The following HMGCL variants were observed in gnomAD, a reference collection of about 807,000 sequenced individuals.
HMGCL encodes the protein hydroxymethylglutaryl-CoA lyase, mitochondrial.
In HMGCL, 26 loss-of-function variants were observed where a neutral mutation model predicts 37.3. That is an observed-to-expected ratio of 0.70 (90% CI 0.51 to 0.97). The LOEUF is 0.97. Among genes scored for constraint, HMGCL ranks in the 50% least tolerant of loss-of-function variants. The pLI is 0.00. For missense variants in HMGCL, 379 were observed against 398.1 expected (o/e 0.95, Z 0.41); for synonymous variants, 151 against 148.0 (o/e 1.02, Z -0.15).
At chr1:23,815,099 C>T (rs370839416) in intron 4 of HMGCL, among the ~76,000 whole-genome samples, 1 of 151,764 alleles carries the variant, frequency 6.6e-6, no homozygotes, top group Non-Finnish European at 1.5e-5. Flanking sequence ...CCCAGCTACT[C>T]GGGAGGCTGA....
At chr1:23,815,134 G>A (rs1375576143) in intron 4 of HMGCL, among the ~76,000 whole-genome samples, 3 of 152,018 alleles carry the variant, frequency 2.0e-5, no homozygotes, top group African/African-American at 7.3e-5. Context: ...TTGAACCTGG[G>A]AGGTGGAGCT....
At chr1:23,805,209 C>A (rs947786399) in intron 7 of HMGCL, among the ~76,000 whole-genome samples, 2 of 152,142 alleles carry the variant, frequency 1.3e-5, no homozygotes, top group Admixed American at 6.5e-5. Context: ...AACCCCTCCA[C>A]CTTGGCGTGA....
chr1:23,804,481 G>A lies in HMGCL; in HGVS notation c.795C>T (p.Gly265=), dbSNP rs1488079271. The change falls in exon 8 of 9, where the codon GGC becomes GGT. Residue 265 remains glycine (G), a synonymous_variant. Coordinates refer to ENST00000374490, the MANE Select transcript of HMGCL (RefSeq NM_000191.3). ...CTGATGCCCCCTGTGCGTAGGGACA[G>A]CCTCCAAGTCCTGCCACAGAAGAGT... ...VVDSSVAGLG[G]CPYAQGASGN... is the part of the protein sequence containing the mutation. The A allele has an allele frequency of 3.7e-6, 6 of 1,613,936 alleles. No individual in the cohort carries two copies. The highest frequency in any genetic ancestry group is 5.1e-6 in the Non-Finnish European group (6 of 1,179,848).
intron 4 of HMGCL, among the ~76,000 whole-genome samples, chr1:23,814,717 T>C (rs572255864): frequency 1.2e-4 from 18 of 152,288 alleles, no homozygotes; most frequent in African/African-American, 4.3e-4. Flanking sequence ...AAAAAATTTC[T>C]CTTAAGGTAA....
chr1:23,801,987 G>A lies in HMGCL; in HGVS notation c.*476C>T. 1 of 429,076 alleles carries A rather than the reference G, an allele frequency of 2.3e-6. No individual in the cohort carries two copies. The highest frequency in any genetic ancestry group is 4.1e-6 in the Non-Finnish European group (1 of 242,538). The allele number at this position is 429,076 out of a possible 1,614,324, so 26.6% of individuals were successfully genotyped here. A position where few individuals can be genotyped will look rare whatever the true frequency, so the allele number is the denominator to read the frequency against. The stretch of plus-strand genomic sequence containing the variant: ...GCTGGAGTTGGCAGACGGCCACCAC[G>A]TAGCTCTCCACTTTCCACAAATGGC... On this transcript the variant is annotated 3_prime_UTR_variant, in exon 9 of 9. Transcript: ENST00000374490.
chr1:23,822,402 A>G (rs1342267096), intron 1 of HMGCL, among the ~76,000 whole-genome samples: 1 of 152,200 alleles, frequency 6.6e-6, no homozygotes, highest in East Asian at 1.9e-4. Context: ...AAGTAACACA[A>G]TACTTTTTTT....
At chr1:23,811,255 G>T (rs922203764) in intron 5 of HMGCL, among the ~76,000 whole-genome samples, 2 of 152,176 alleles carry the variant, frequency 1.3e-5, no homozygotes, top group African/African-American at 4.8e-5. Context: ...TGAGGACCAA[G>T]GGATGAGCTG....
rs886046310 is a variant in HMGCL, at chr1:23,802,049, C to T, written c.*414G>A. On this transcript the variant is annotated 3_prime_UTR_variant, in exon 9 of 9. Coordinates refer to ENST00000374490, the MANE Select transcript of HMGCL (RefSeq NM_000191.3). ...TGGGAAGAACCTCCATGACCTGTGT[C>T]CTGAGAAGTCAGAGAGCAAGGGCCC... The T allele has an allele frequency of 5.3e-5, 25 of 474,098 alleles. No homozygotes were observed. Among genetic ancestry groups the T allele is most frequent in the Non-Finnish European group, 8.9e-5 (24 of 269,656 alleles). The allele number at this position is 474,098 out of a possible 1,614,324, so 29.4% of individuals were successfully genotyped here. A position where few individuals can be genotyped will look rare whatever the true frequency, so the allele number is the denominator to read the frequency against.
chr1:23,814,804 C>T (rs1457991653), intron 4 of HMGCL, among the ~76,000 whole-genome samples: 1 of 152,124 alleles, frequency 6.6e-6, no homozygotes, highest in Non-Finnish European at 1.5e-5. Flanking sequence ...AACCCAGCAC[C>T]TCAGAATGTG....
Position 23,802,358 on chromosome 1 carries a change from A to T in HMGCL, c.*105T>A. 1.2e-6 allele frequency: 1 copy of T among 815,608 alleles called. No homozygotes were observed. 50.5% of individuals were successfully genotyped at this position (815,608 alleles called of 1,614,324 possible). A position where few individuals can be genotyped will look rare whatever the true frequency, so the allele number is the denominator to read the frequency against. On this transcript the variant is annotated 3_prime_UTR_variant, in exon 9 of 9. Transcript: ENST00000374490. Reference sequence around the variant, plus strand: ...CTCTGTGTAGAGCTGGCTATGAGGTACCTGCACCATTTAACCTATTCTCAT... The same window carrying T: ...CTCTGTGTAGAGCTGGCTATGAGGTTCCTGCACCATTTAACCTATTCTCAT...
At chr1:23,804,843 CA>C in intron 7 of HMGCL, among the ~76,000 whole-genome samples, 2 of 151,008 alleles carry the variant, frequency 1.3e-5, no homozygotes, top group African/African-American at 4.9e-5. Flanking sequence ...GCTGAGATTT[CA>C]GACCCCTGTT....
chr1:23,816,655 CCAA>C lies in HMGCL; in HGVS notation c.348+17_348+19del. 6.8e-7 allele frequency: 1 copy of C among 1,471,034 alleles called. No homozygotes were observed. The highest frequency in any genetic ancestry group is 9.5e-7 in the Non-Finnish European group (1 of 1,049,452). The allele number at this position is 1,471,034 out of a possible 1,614,324, so 91.1% of individuals were successfully genotyped here. A position where few individuals can be genotyped will look rare whatever the true frequency, so the allele number is the denominator to read the frequency against. On this transcript the variant is annotated intron_variant, in intron 4 of 8. Coordinates refer to ENST00000374490, the MANE Select transcript of HMGCL (RefSeq NM_000191.3). The stretch of plus-strand genomic sequence containing the variant: ...ATCAATCTCATTTCAGGAGCCCCCA[CCAA>C]CAAGCTATCCTCTTACCGCTGCCTC...
At chr1:23,808,513 C>T (rs1005604834) in intron 6 of HMGCL, among the ~76,000 whole-genome samples, 190 bp from the exon 7 acceptor site, 5 of 152,158 alleles carry the variant, frequency 3.3e-5, no homozygotes, top group African/African-American at 4.8e-5. Context: ...GAGACTGAGG[C>T]GTAAGGGGCA....
rs376260710 is a variant in HMGCL, at chr1:23,810,536, G to A, written c.561+200C>T. 3.1e-4 allele frequency: 184 copies of A among 594,260 alleles called. 1 individual carries two copies. The highest frequency in any genetic ancestry group is 3.0e-3 in the African/African-American group (163 of 53,924). The allele number at this position is 594,260 out of a possible 1,614,324, so 36.8% of individuals were successfully genotyped here. On this transcript the variant is annotated intron_variant, in intron 6 of 8. Transcript: ENST00000374490. ...GCTGGATAGAGGCCAGGGGCTTCAA[G>A]GACTACATGTTCGGCTAGGAGGGGG... is the stretch of plus-strand genomic sequence containing the variant.
intron 3 of HMGCL, 42 bp downstream of exon 3, chr1:23,817,434 T>G (rs1197840198): frequency 8.4e-7 from 1 of 1,193,914 alleles, no homozygotes; most frequent in African/African-American, 1.5e-5. Context: ...GCAAAACTTT[T>G]CATCCCTAGA....
At position 23,825,369 on chromosome 1, in the gene HMGCL, G is replaced by A; in HGVS notation, c.47C>T (p.Ala16Val). Residue 16 changes from alanine to valine, a missense_variant, in exon 1 of 9, where the codon GCG (alanine) becomes GTG (valine). Ala to Val is a moderately conservative substitution (Grantham distance 64). Transcript: ENST00000374490. The stretch of plus-strand genomic sequence containing the variant: ...CGGGGCACTTACAGCCCGGAGGGAC[G>A]CCAAGCCCACCAGTCGCCGCGGAAG... ...KALPRRLVGL[A>V]SLRAVSTSSM... 5.8e-6 allele frequency: 9 copies of A among 1,559,988 alleles called. No individual in the cohort carries two copies. The highest frequency in any genetic ancestry group is 7.8e-6 in the Non-Finnish European group (9 of 1,152,774).
At position 23,804,419 on chromosome 1, in the gene HMGCL, T is replaced by C. The variant is rs781702215; in HGVS notation, c.857A>G (p.Glu286Gly). 1 of 1,614,222 alleles carries C rather than the reference T, an allele frequency of 6.2e-7. No homozygotes were observed. Among genetic ancestry groups the C allele is most frequent in the East Asian group, 2.2e-5 (1 of 44,888 alleles). Reference protein sequence around the residue: ...LATEDLVYMLEGLGIHTGVNL... With the variant: ...LATEDLVYMLGGLGIHTGVNL... ...GCTTACCGTGTGAATGCCCAAGCCCTCTAGCATGTAGACCAGGTCTTCTGT... is the reference window on the plus strand; with the variant it reads ...GCTTACCGTGTGAATGCCCAAGCCCCCTAGCATGTAGACCAGGTCTTCTGT... The change falls in exon 8 of 9, where the codon GAG (glutamate) becomes GGG (glycine). Residue 286 changes from glutamate to glycine, a missense_variant. Coordinates refer to ENST00000374490, the MANE Select transcript of HMGCL (RefSeq NM_000191.3).
rs142723451 is a variant in HMGCL at position 23,818,348 on chromosome 1, C to T, written c.145-765G>A. On this transcript the variant is annotated intron_variant, in intron 2 of 8. Transcript: ENST00000374490. ...GTGGCACGTGTCTGTGATCCAGCTACTCAGGAGGCTGAGGTGGATCACTGG... is the reference window on the plus strand; with the variant it reads ...GTGGCACGTGTCTGTGATCCAGCTATTCAGGAGGCTGAGGTGGATCACTGG... 2.6e-3 allele frequency among the ~76,000 whole-genome samples: 394 copies of T among 152,220 alleles called. 2 individuals are homozygous for T. Among genetic ancestry groups the T allele is most frequent in the Middle Eastern group, 6.8e-3 (2 of 294 alleles).
At chr1:23,809,062 C>T (rs758912452) in intron 6 of HMGCL, among the ~76,000 whole-genome samples, 19 of 150,530 alleles carry the variant, frequency 1.3e-4, no homozygotes, top group East Asian at 3.9e-4. Flanking sequence ...CCTACCACCA[C>T]GCCCCACTAT....
Sources: allele counts gnomAD v4.1 joint callset (sites outside exome capture counted in the v4.1 genomes callset), GRCh38; gene constraint gnomAD v4.1.1; transcripts MANE v1.5; gene names NCBI Gene and HGNC (gene_info 2026-07-23, HGNC 2026-07-21).